PTPRE: variants seen among roughly 807,000 people sequenced by gnomAD.
The protein encoded by PTPRE is receptor-type tyrosine-protein phosphatase epsilon.
In PTPRE, 51 loss-of-function variants were observed where a neutral mutation model predicts 102.0. The observed-to-expected ratio is 0.50, with a 90% CI of 0.40 to 0.63. The LOEUF is 0.63. Ranked by LOEUF, PTPRE falls within the 30% of genes least tolerant of loss-of-function variation. The pLI is 0.00. For missense variants in PTPRE, 752 were observed against 915.1 expected (o/e 0.82, Z 2.30); for synonymous variants, 345 against 348.2 (o/e 0.99, Z 0.10).
chr10:128,067,131 TCACA>T (rs1002714929), intron 11 of PTPRE, among the ~76,000 whole-genome samples: 4 of 116,940 alleles, frequency 3.4e-5, no homozygotes, highest in Non-Finnish European at 7.2e-5. Context: ...GCATGCACGT[TCACA>T]CACACATGTG....
chr10:127,951,717 GCTATCT>G (rs545854672), intron 1 of PTPRE, among the ~76,000 whole-genome samples: 5 of 152,308 alleles, frequency 3.3e-5, no homozygotes, highest in Middle Eastern at 3.4e-3. Flanking sequence ...AGCTATTAGT[GCTATCT>G]CTACCTACAA....
chr10:127,949,813 G>A (rs956588365), intron 1 of PTPRE, among the ~76,000 whole-genome samples: 10 of 152,294 alleles, frequency 6.6e-5, no homozygotes, highest in Admixed American at 5.9e-4. Flanking sequence ...CTGAGTCTCA[G>A]CTTTGCGGAA....
chr10:127,965,788 G>C (rs1850201949), intron 1 of PTPRE, among the ~76,000 whole-genome samples: 1 of 152,220 alleles, frequency 6.6e-6, no homozygotes, highest in African/African-American at 2.4e-5. Context: ...GAGATCTGCT[G>C]GCTCAGGGTC....
intron 10 of PTPRE, among the ~76,000 whole-genome samples, chr10:128,064,665 C>G (rs554086100): frequency 6.6e-6 from 1 of 152,364 alleles, no homozygotes; most frequent in South Asian, 2.1e-4. Flanking sequence ...GAAAGTGTCA[C>G]TGGCATTTTC....
At chr10:128,009,030 A>G (rs1360206340) in intron 2 of PTPRE, among the ~76,000 whole-genome samples, 4 of 152,184 alleles carry the variant, frequency 2.6e-5, no homozygotes, top group Non-Finnish European at 5.9e-5. Context: ...TCAGTCCTGG[A>G]GGCCCGGCCA....
intron 2 of PTPRE, among the ~76,000 whole-genome samples, chr10:128,000,909 T>A (rs2387325): frequency 0.68 from 104,034 of 152,026 alleles, 35,813 homozygotes; most frequent in South Asian, 0.76. Flanking sequence ...GACCGTGCCC[T>A]TGGACAGGAA....
At chr10:128,041,520 C>A (rs113842064) in intron 3 of PTPRE, among the ~76,000 whole-genome samples, 1 of 151,778 alleles carries the variant, frequency 6.6e-6, no homozygotes, top group African/African-American at 2.4e-5. Flanking sequence ...TGGTGGTGGG[C>A]GCCTGTAGTC....
chr10:128,020,297 G>A (rs546923277), intron 2 of PTPRE, among the ~76,000 whole-genome samples: 87 of 152,290 alleles, frequency 5.7e-4, no homozygotes, highest in African/African-American at 1.9e-3. Flanking sequence ...GTCTCAAGTG[G>A]TACATCTGCA....
At chr10:127,960,835 T>A (rs556230262) in intron 1 of PTPRE, among the ~76,000 whole-genome samples, 7 of 152,070 alleles carry the variant, frequency 4.6e-5, no homozygotes, top group South Asian at 2.1e-4. Flanking sequence ...CATCCTAACA[T>A]GGTGAAACCC....
At chr10:127,990,163 G>C (rs919519909) in intron 2 of PTPRE, among the ~76,000 whole-genome samples, 6 of 152,206 alleles carry the variant, frequency 3.9e-5, no homozygotes, top group Non-Finnish European at 7.4e-5. Context: ...TGTAATCCCA[G>C]CACTTTAGGA....
intron 9 of PTPRE, 38 bp from the exon 10 acceptor site, chr10:128,063,045 T>A: frequency 4.3e-6 from 7 of 1,612,846 alleles, no homozygotes; most frequent in Non-Finnish European, 5.9e-6. Context: ...GGACTTCCCT[T>A]CATGCCTTTT....
In PTPRE at chr10:127,966,822, A is replaced by G. The variant is rs535579072; in HGVS notation, c.-30-15452A>G. ...TGACCACGACACCTTTGTCATGGCC[A>G]TGAAGAGCAGTCCCTCCTGCGAAGG... On this transcript the variant is annotated intron_variant, in intron 1 of 20. Transcript: ENST00000254667. Among the ~76,000 whole-genome samples the G allele has an allele frequency of 1.3e-4, 20 of 152,340 alleles. 1 individual carries two copies. Among genetic ancestry groups the G allele is most frequent in the Admixed American group, 1.2e-3 (18 of 15,302 alleles).
chr10:128,017,927 C>T (rs990647635), intron 2 of PTPRE, among the ~76,000 whole-genome samples: 2 of 152,204 alleles, frequency 1.3e-5, no homozygotes, highest in Admixed American at 6.5e-5. Flanking sequence ...GGACTCCACT[C>T]GGGCATCCTG....
chr10:127,955,191 G>A lies in PTPRE; in HGVS notation c.-30-27083G>A, dbSNP rs558932859. ...AGTTACAACAAACCAATCTAGGCAG[G>A]ACAAGTAATAGCCCAGGCTCTTCAG... is the stretch of plus-strand genomic sequence containing the variant. On this transcript the variant is annotated intron_variant, in intron 1 of 20. Coordinates refer to ENST00000254667, the MANE Select transcript of PTPRE (RefSeq NM_006504.6). Among the ~76,000 whole-genome samples the A allele has an allele frequency of 8.7e-4, 132 of 152,208 alleles. 1 individual carries two copies. Among genetic ancestry groups the A allele is most frequent in the African/African-American group, 3.0e-3 (126 of 41,518 alleles).
intron 6 of PTPRE, 38 bp from the exon 7 acceptor site, chr10:128,056,085 T>C: frequency 6.7e-7 from 1 of 1,481,916 alleles, no homozygotes; most frequent in South Asian, 1.1e-5. Flanking sequence ...GGTGCTTGAA[T>C]CCATCACATT....
Position 128,070,569 on chromosome 10 carries a change from A to T in PTPRE, c.1293+119A>T, listed in dbSNP as rs1850679419. 3 of 1,349,796 alleles carry T rather than the reference A, an allele frequency of 2.2e-6. No individual in the cohort carries two copies. The Admixed American group carries it at 7.7e-5, about 34-fold the overall frequency. The allele number at this position is 1,349,796 out of a possible 1,614,324, so 83.6% of individuals were successfully genotyped here. A position where few individuals can be genotyped will look rare whatever the true frequency, so the allele number is the denominator to read the frequency against. ...CTTGCCCCTTAACTGACCTCAGAAA[A>T]AGCAGGGGCAATACCTGAGCCATGA... On this transcript the variant is annotated intron_variant, in intron 14 of 20. Coordinates refer to ENST00000254667, the MANE Select transcript of PTPRE (RefSeq NM_006504.6). This position sits in a 1 kb window ranked among gnomAD's most constrained non-coding sequence, Gnocchi z 4.8.
chr10:128,068,042 G>C, intron 11 of PTPRE, 81 bp from the exon 12 acceptor site: 11 of 1,491,778 alleles, frequency 7.4e-6, no homozygotes, highest in Non-Finnish European at 1.0e-5. Context: ...GGGAGCCCAC[G>C]GCGGCGTCCT....
At position 128,047,411 on chromosome 10, in the gene PTPRE, C is replaced by T; in HGVS notation, c.131C>T (p.Ser44Phe). 1 of 1,613,126 alleles carries T rather than the reference C, an allele frequency of 6.2e-7. No individual in the cohort carries two copies. Among genetic ancestry groups the T allele is most frequent in the Non-Finnish European group, 8.5e-7 (1 of 1,179,960 alleles). Residue 44 changes from serine (S) to phenylalanine (F), a missense_variant, in exon 4 of 21, where the codon TCC becomes TTC. Ser to Phe is a radical substitution (Grantham distance 155). This residue lies in a region of PTPRE where 116 missense variants were observed against 90.8 expected (regional missense o/e 1.28). Coordinates refer to ENST00000254667, the MANE Select transcript of PTPRE (RefSeq NM_006504.6). ...TTSGPPDPGASQPLLAWLLLP... is the reference protein window; with the variant it reads ...TTSGPPDPGAFQPLLAWLLLP... Reference sequence around the variant, plus strand: ...GCAGGCCCTCCGGACCCGGGCGCCTCCCAGCCGCTGCTGGCCTGGCTGCTA... The same window carrying T: ...GCAGGCCCTCCGGACCCGGGCGCCTTCCAGCCGCTGCTGGCCTGGCTGCTA...
At chr10:127,934,854 G>A (rs936781476) in intron 1 of PTPRE, 2 of 152,176 alleles carry the variant, frequency 1.3e-5, no homozygotes, top group Admixed American at 6.5e-5. Flanking sequence ...CGTGAGCCAC[G>A]GCCTCAGGAG....
Sources: gnomAD v4.1 joint callset for allele counts (sites outside exome capture counted in the v4.1 genomes callset) on GRCh38, gnomAD v4.1.1 for gene constraint, gnomAD v4.1.1 regional missense constraint, Gnocchi (gnomAD v3.1) non-coding constraint, MANE v1.5 for transcripts, NCBI Gene and HGNC (gene_info 2026-07-23, HGNC 2026-07-21) for gene names.